The following DHX30 variants were observed in gnomAD, a reference collection of about 807,000 sequenced individuals.
DHX30 encodes DExH-box helicase 30, also known as ATP-dependent RNA helicase DHX30.
Under a neutral mutation model 116.9 loss-of-function variants are expected in DHX30, and 4 were observed. The observed-to-expected ratio is 0.03, with a 90% confidence interval of 0.02 to 0.08. The LOEUF (loss-of-function observed/expected upper bound fraction) is 0.08, where lower values mean the gene tolerates loss of function less well. DHX30 is among the 10% of genes least tolerant of loss of function. The probability of loss-of-function intolerance (pLI) is 1.00; values close to 1 mark genes in which losing one functional copy is unlikely to be tolerated. For missense variants in DHX30, 871 were observed against 1,595.1 expected, an observed-to-expected ratio of 0.55 and a Z score of 7.73; for synonymous variants, 697 against 651.7, an observed-to-expected ratio of 1.07 and a Z score of -1.06.
chr3:47,817,498 C>T (rs576545994), intron 3 of DHX30, among the ~76,000 whole-genome samples: 4 of 152,264 alleles, frequency 2.6e-5, no homozygotes, highest in East Asian at 3.9e-4. Context: ...GGTAAGTGTG[C>T]GTCTGGTTTT....
chr3:47,805,765 C>T (rs2035486267), intron 2 of DHX30, among the ~76,000 whole-genome samples: 1 of 151,988 alleles, frequency 6.6e-6, no homozygotes, highest in Admixed American at 6.6e-5. Context: ...GGTCTCAAAC[C>T]CCTGACGTCA....
At position 47,848,331 on chromosome 3, in the gene DHX30, G is replaced by A. The variant is rs1559723703; in HGVS notation, c.2438G>A (p.Arg813His). 1 of 1,614,070 alleles carries A rather than the reference G, an allele frequency of 6.2e-7. No individual in the cohort carries two copies. ...CCTTTCCAAGTGCCAGAGATCCTGC[G>A]CACACCTCTTGAGAACCTGGTGCTG... ...MVPFQVPEIL[R>H]TPLENLVLQA... The change falls in exon 15 of 22, where the codon CGC (arginine) becomes CAC (histidine). Residue 813 changes from arginine (R) to histidine (H), a missense_variant. This residue lies in a region of DHX30 where 238 missense variants were observed against 481.0 expected (regional missense o/e 0.49). Transcript: ENST00000445061. The surrounding 1 kb of genome is among the most constrained non-coding windows in gnomAD (Gnocchi z 9.4).
chr3:47,818,160 T>C (rs1365852011), intron 4 of DHX30, 43 bp downstream of exon 4: 1 of 765,408 alleles, frequency 1.3e-6, no homozygotes, highest in Non-Finnish European at 2.4e-6. Flanking sequence ...TGGTCCAGGG[T>C]CTGTGGGGAG....
chr3:47,843,062 C>A (rs1173219476), intron 8 of DHX30, 44 bp from the exon 9 acceptor site: 1 of 1,607,476 alleles, frequency 6.2e-7, no homozygotes, highest in South Asian at 1.1e-5. Flanking sequence ...AGTCTCTTCC[C>A]ATTCCCTACA....
At position 47,827,610 on chromosome 3, in the gene DHX30, C is replaced by T; in HGVS notation, c.255+133C>T. 4.9e-6 allele frequency: 6 copies of T among 1,236,966 alleles called. No homozygotes were observed. The South Asian group carries it at 9.3e-5, about 19-fold the overall frequency. The allele number at this position is 1,236,966 out of a possible 1,614,324, so 76.6% of individuals were successfully genotyped here. ...TGAATTAAAATGGTCAGCAGAGACT[C>T]AGAGCAAAGCTAGGTTTGAAGAAGA... On this transcript the variant is annotated intron_variant, in intron 5 of 21. Transcript: ENST00000445061.
intron 9 of DHX30, among the ~76,000 whole-genome samples, chr3:47,843,626 GAAT>G (rs1426200875): frequency 1.3e-5 from 2 of 152,194 alleles, no homozygotes; most frequent in Non-Finnish European, 1.5e-5. Context: ...TGGGCAGAAT[GAAT>G]AATGTGACTT....
intron 8 of DHX30, chr3:47,842,319 G>C (rs1033632293): frequency 6.5e-6 from 1 of 153,038 alleles, no homozygotes; most frequent in African/African-American, 2.4e-5. Context: ...GATAAGGTAC[G>C]AACACCAACA....
At chr3:47,811,066 C>G (rs1193344844) in intron 3 of DHX30, among the ~76,000 whole-genome samples, 1 of 152,008 alleles carries the variant, frequency 6.6e-6, no homozygotes, top group Non-Finnish European at 1.5e-5. Flanking sequence ...TCTCCTGCCT[C>G]AGCCTCCGTA....
In DHX30 at chr3:47,845,759, C is replaced by T. The variant is rs1187662984; in HGVS notation, c.999C>T (p.Ala333=). The T allele has an allele frequency of 6.2e-7, 1 of 1,612,704 alleles. No homozygotes were observed. The highest frequency in any genetic ancestry group is 1.1e-5 in the South Asian group (1 of 91,034). The change falls in exon 10 of 22, where the codon GCC becomes GCT. Residue 333 remains alanine, a synonymous_variant. Coordinates refer to ENST00000445061, the MANE Select transcript of DHX30 (RefSeq NM_138615.3). ...TTACACACGCCATGTATAACCTGGC[C>T]TCTTTGCGTGAGCTGGGTGAGACCC... ...EPLTHAMYNL[A]SLRELGETQR...
At chr3:47,827,082 G>A (rs574750738) in intron 4 of DHX30, among the ~76,000 whole-genome samples, 2 of 152,116 alleles carry the variant, frequency 1.3e-5, no homozygotes, top group Non-Finnish European at 2.9e-5. Context: ...GAGATTGGGC[G>A]GAGAAGAGGA....
intron 9 of DHX30, chr3:47,845,441 C>T (rs377726773): frequency 3.4e-4 from 86 of 254,094 alleles, no homozygotes; most frequent in African/African-American, 1.9e-3. Context: ...CCTGCCTCGG[C>T]CTCCCAAAGT....
chr3:47,836,151 T>C (rs2037104057), intron 6 of DHX30, among the ~76,000 whole-genome samples: 1 of 152,226 alleles, frequency 6.6e-6, no homozygotes. Context: ...GGAGTCTTTC[T>C]CTTTCGCCCA....
intron 3 of DHX30, chr3:47,816,532 A>G (rs2036066534): frequency 2.1e-6 from 2 of 936,300 alleles, no homozygotes; most frequent in South Asian, 4.9e-5. Context: ...CAATTTTTGT[A>G]TTTTTAGTAG....
intron 4 of DHX30, among the ~76,000 whole-genome samples, chr3:47,821,145 G>A (rs900627329): frequency 2.6e-4 from 39 of 151,930 alleles, no homozygotes; most frequent in Admixed American, 2.0e-4. Flanking sequence ...CAGTAGAGAC[G>A]GGGTTTCACC....
chr3:47,841,115 T>C lies in DHX30; in HGVS notation c.605T>C (p.Ile202Thr). 6.2e-7 allele frequency: 1 copy of C among 1,614,154 alleles called. No homozygotes were observed. The highest frequency in any genetic ancestry group is 1.1e-5 in the South Asian group (1 of 91,082). ...GAGGAAGAGCTAGAAGAAGGGACCA[T>C]AGATGTTACCGACTTCTTGTCCATG... The part of the protein sequence containing the change: ...DEEEELEEGT[I>T]DVTDFLSMTQ... The change falls in exon 7 of 22, where the codon ATA becomes ACA. Residue 202 changes from isoleucine to threonine, a missense_variant. This residue lies in a region of DHX30 where 109 missense variants were observed against 118.8 expected (regional missense o/e 0.92). Transcript: ENST00000445061.
At chr3:47,838,248 G>A (rs545476156) in intron 6 of DHX30, among the ~76,000 whole-genome samples, 5 of 152,164 alleles carry the variant, frequency 3.3e-5, no homozygotes, top group African/African-American at 9.7e-5. Context: ...CGGTTTTCAC[G>A]CGTCTATTCT....
At chr3:47,843,392 T>C (rs1011377901) in intron 9 of DHX30, 137 bp downstream of exon 9, 3 of 1,208,842 alleles carry the variant, frequency 2.5e-6, no homozygotes, top group African/African-American at 1.5e-5. Flanking sequence ...ACAGCTGGTA[T>C]GCAGGCCTCG....
At chr3:47,820,019 A>C (rs1482082085) in intron 4 of DHX30, among the ~76,000 whole-genome samples, 1 of 152,154 alleles carries the variant, frequency 6.6e-6, no homozygotes, top group Non-Finnish European at 1.5e-5. Context: ...TTACGTCAAG[A>C]GACTTGTGGC....
chr3:47,849,401 G>C (rs1250126692), intron 19 of DHX30, 50 bp from the exon 20 acceptor site: 1 of 1,582,910 alleles, frequency 6.3e-7, no homozygotes, highest in South Asian at 1.2e-5. Context: ...CTCCTTCCCT[G>C]TCTGCAGCTC....
Sources: gnomAD v4.1 joint callset for allele counts (sites outside exome capture counted in the v4.1 genomes callset) on GRCh38, gnomAD v4.1.1 for gene constraint, gnomAD v4.1.1 regional missense constraint, Gnocchi (gnomAD v3.1) non-coding constraint, MANE v1.5 for transcripts, NCBI Gene and HGNC (gene_info 2026-07-23, HGNC 2026-07-21) for gene names.